ZSWIM5: variants seen among roughly 807,000 people sequenced by gnomAD.
ZSWIM5 encodes the protein zinc finger SWIM domain-containing protein 5.
Under a neutral mutation model 119.6 loss-of-function variants are expected in ZSWIM5, and 55 were observed. That is an observed-to-expected ratio of 0.46 (90% CI 0.37 to 0.58). ZSWIM5 has a LOEUF of 0.58. Among genes scored for constraint, ZSWIM5 ranks in the 20% least tolerant of loss-of-function variants. The probability of loss-of-function intolerance (pLI) is 0.00; values close to 1 mark genes in which losing one functional copy is unlikely to be tolerated. For missense variants in ZSWIM5, 1,193 were observed against 1,512.8 expected (o/e 0.79, Z 3.51); for synonymous variants, 537 against 606.9 (o/e 0.88, Z 1.69).
At chr1:45,132,729 A>T (rs1164468078) in intron 1 of ZSWIM5, among the ~76,000 whole-genome samples, 1 of 151,902 alleles carries the variant, frequency 6.6e-6, no homozygotes, top group Admixed American at 6.6e-5. Flanking sequence ...CGTCATTTGC[A>T]TTTGGTATAT....
chr1:45,186,593 T>TTTTATTTA (rs57251068), intron 1 of ZSWIM5, among the ~76,000 whole-genome samples: 15 of 150,774 alleles, frequency 9.9e-5, no homozygotes, highest in Admixed American at 2.0e-4. Context: ...AACAACTTGG[T>TTTTATTTA]TTTATTTATT....
chr1:45,170,591 AT>A (rs1645940694), intron 1 of ZSWIM5, among the ~76,000 whole-genome samples: 1 of 151,280 alleles, frequency 6.6e-6, no homozygotes, highest in African/African-American at 2.4e-5. Context: ...TGCCTGGCTA[AT>A]TTTTTTACTT....
At chr1:45,190,493 C>T (rs1435531725) in intron 1 of ZSWIM5, among the ~76,000 whole-genome samples, 2 of 152,176 alleles carry the variant, frequency 1.3e-5, no homozygotes, top group Non-Finnish European at 2.9e-5. Flanking sequence ...CTCTTGTAAG[C>T]ATCCCCAAAA....
chr1:45,204,437 T>C (rs1400756557), intron 1 of ZSWIM5, among the ~76,000 whole-genome samples: 13 of 152,166 alleles, frequency 8.5e-5, no homozygotes, highest in African/African-American at 3.1e-4. Flanking sequence ...CTCTTTCAAA[T>C]AAACAAAACT....
intron 11 of ZSWIM5, among the ~76,000 whole-genome samples, chr1:45,028,885 C>A (rs1644935716): frequency 6.6e-6 from 1 of 152,084 alleles, no homozygotes; most frequent in Admixed American, 6.5e-5. Flanking sequence ...GAGTTCAAGA[C>A]CAGCTAGGGT....
intron 1 of ZSWIM5, among the ~76,000 whole-genome samples, chr1:45,189,696 C>T (rs1237313163): frequency 1.3e-5 from 2 of 152,098 alleles, no homozygotes; most frequent in African/African-American, 4.8e-5. Flanking sequence ...GTAGGGGCTG[C>T]AGTAAGCCAT....
In ZSWIM5 at chr1:45,072,769, T is replaced by C. The variant is rs1645231901; in HGVS notation, c.953-12522A>G. Among the ~76,000 whole-genome samples, 1 of 151,996 alleles carries C rather than the reference T, an allele frequency of 6.6e-6. No individual in the cohort carries two copies. Among genetic ancestry groups the C allele is most frequent in the Non-Finnish European group, 1.5e-5 (1 of 68,042 alleles). On this transcript the variant is annotated intron_variant, in intron 2 of 13. Coordinates refer to ENST00000359600, the MANE Select transcript of ZSWIM5 (RefSeq NM_020883.2). The surrounding 1 kb of genome is among the most constrained non-coding windows in gnomAD (Gnocchi z 4.1). ...TTTGTTTCTAGGTTTTCTATTCTGT[T>C]CCATTGGTCTGTGTGTCTATTTTAT...
chr1:45,180,425 C>G (rs1040080436), intron 1 of ZSWIM5, among the ~76,000 whole-genome samples: 29 of 152,126 alleles, frequency 1.9e-4, no homozygotes, highest in Non-Finnish European at 3.7e-4. Flanking sequence ...ACAAAGCAGC[C>G]GGGAAGCTCC....
chr1:45,170,625 C>T (rs774877225), intron 1 of ZSWIM5, among the ~76,000 whole-genome samples: 24 of 151,330 alleles, frequency 1.6e-4, no homozygotes, highest in Non-Finnish European at 2.5e-4. Flanking sequence ...GACAGAGTCT[C>T]GCTATGTTGA....
chr1:45,205,514 T>A (rs1646182273), intron 1 of ZSWIM5, among the ~76,000 whole-genome samples: 1 of 151,740 alleles, frequency 6.6e-6, no homozygotes, highest in African/African-American at 2.4e-5. Flanking sequence ...ATAGAAAGAG[T>A]GAAGAAGAGA....
chr1:45,060,066 A>G lies in ZSWIM5; in HGVS notation c.1101+33T>C, dbSNP rs923568791. 3.7e-6 allele frequency: 6 copies of G among 1,612,234 alleles called. No individual in the cohort carries two copies. In the African/African-American group the frequency reaches 6.7e-5, roughly 18 times the overall value. Reference sequence around the variant, plus strand: ...AGTCTGACTTAAGCTTCTTTTGTCAACAACAAAAGAAAAACACCTTTTCAT... The same window carrying G: ...AGTCTGACTTAAGCTTCTTTTGTCAGCAACAAAAGAAAAACACCTTTTCAT... On this transcript the variant is annotated intron_variant, in intron 3 of 13. Transcript: ENST00000359600.
At position 45,206,388 on chromosome 1, in the gene ZSWIM5, T is replaced by C; in HGVS notation, c.-38A>G. On this transcript the variant is annotated 5_prime_UTR_variant, in exon 1 of 14. Transcript: ENST00000359600. Reference sequence around the variant, plus strand: ...ACTGACTGACTGAGGCGGCGGCGGCTGCTCGGGCTGCGGCGGAGACCCTGG... The same window carrying C: ...ACTGACTGACTGAGGCGGCGGCGGCCGCTCGGGCTGCGGCGGAGACCCTGG... 1 of 1,353,884 alleles carries C rather than the reference T, an allele frequency of 7.4e-7. No individual in the cohort carries two copies. Among genetic ancestry groups the C allele is most frequent in the Non-Finnish European group, 9.5e-7 (1 of 1,056,346 alleles). 83.9% of individuals were successfully genotyped at this position (1,353,884 alleles called of 1,614,324 possible). A position where few individuals can be genotyped will look rare whatever the true frequency, so the allele number is the denominator to read the frequency against.
chr1:45,193,895 C>T (rs1646106089), intron 1 of ZSWIM5, among the ~76,000 whole-genome samples: 1 of 151,074 alleles, frequency 6.6e-6, no homozygotes, highest in African/African-American at 2.5e-5. Context: ...GCCAGAATTA[C>T]ATATTTGTGA....
At chr1:45,086,152 A>T (rs1645328808) in intron 2 of ZSWIM5, among the ~76,000 whole-genome samples, 1 of 152,176 alleles carries the variant, frequency 6.6e-6, no homozygotes, top group Admixed American at 6.5e-5. Context: ...CTGGAGCCGG[A>T]GGAAGAGAGA....
At chr1:45,042,685 G>A (rs1184518491) in intron 6 of ZSWIM5, among the ~76,000 whole-genome samples, 1 of 152,138 alleles carries the variant, frequency 6.6e-6, no homozygotes, top group African/African-American at 2.4e-5. Context: ...GGTTGATTGA[G>A]GGAAAGCCAG....
chr1:45,113,400 TG>T (rs1645529604), intron 1 of ZSWIM5, among the ~76,000 whole-genome samples: 1 of 152,150 alleles, frequency 6.6e-6, no homozygotes, highest in Non-Finnish European at 1.5e-5. Context: ...GACAGGGTCT[TG>T]CTGTGTTGCC....
intron 2 of ZSWIM5, among the ~76,000 whole-genome samples, chr1:45,087,463 A>G (rs1177848383): frequency 2.0e-5 from 3 of 152,232 alleles, no homozygotes; most frequent in Non-Finnish European, 4.4e-5. Context: ...GCTCCTTAGG[A>G]TAACTCTGAT....
In ZSWIM5 at chr1:45,036,153, C is replaced by T. The variant is rs200925379; in HGVS notation, c.2041G>A (p.Ala681Thr). Reference sequence around the variant, plus strand: ...TCATTACGGCATACCTTGTCCTGTGCGTAGAGGCCTTCAGGCATTAACCTC... The same window carrying T: ...TCATTACGGCATACCTTGTCCTGTGTGTAGAGGCCTTCAGGCATTAACCTC... ...QQRLMPEGLY[A>T]QDKVCRNEEQ... is the part of the protein sequence containing the mutation. The change falls in exon 9 of 14, where the codon GCA (alanine) becomes ACA (threonine). Residue 681 changes from alanine to threonine, a missense_variant. By Grantham distance (58) the Ala-to-Thr change is moderately conservative (BLOSUM62 0). Around this residue, in one of 2 missense-constraint regions of ZSWIM5, gnomAD observed 961 missense variants for 1,290.0 expected, o/e 0.74. Coordinates refer to ENST00000359600, the MANE Select transcript of ZSWIM5 (RefSeq NM_020883.2). 7.5e-5 allele frequency: 121 copies of T among 1,614,072 alleles called. No homozygotes were observed. The East Asian group carries it at 1.9e-3, about 25-fold the overall frequency.
intron 1 of ZSWIM5, among the ~76,000 whole-genome samples, chr1:45,195,583 A>G (rs995754355): frequency 6.6e-6 from 1 of 152,186 alleles, no homozygotes; most frequent in Non-Finnish European, 1.5e-5. Context: ...AAACATGAAG[A>G]AAATTATAGC....
Sources: allele counts gnomAD v4.1 joint callset (sites outside exome capture counted in the v4.1 genomes callset), GRCh38; gene constraint gnomAD v4.1.1; regional missense constraint gnomAD v4.1.1; non-coding constraint Gnocchi (gnomAD v3.1); transcripts MANE v1.5; gene names NCBI Gene and HGNC (gene_info 2026-07-23, HGNC 2026-07-21).